Variants in GSTM5 observed in about 807,000 individuals in gnomAD.
GSTM5 encodes glutathione S-transferase mu 5, also known as GST class-mu 5.
Under a neutral mutation model 29.0 loss-of-function variants are expected in GSTM5, and 24 were observed. The ratio of observed to expected loss-of-function variants is 0.83; its 90% CI spans 0.60 to 1.16. The LOEUF (loss-of-function observed/expected upper bound fraction) is 1.16, where lower values mean the gene tolerates loss of function less well. Ranked by LOEUF, GSTM5 falls within the 50% of genes most tolerant of loss-of-function variation. The pLI is 0.00. For synonymous variants in GSTM5, 91 were observed against 93.6 expected, an observed-to-expected ratio of 0.97 and a Z score of 0.16; for missense variants, 290 against 263.0, an observed-to-expected ratio of 1.10 and a Z score of -0.71.
In GSTM5 at chr1:109,713,790, C is replaced by T. The variant is rs376252099; in HGVS notation, c.360+29C>T. ...AGTCCCACACCCCACTCCCAGTCAC[C>T]CATTTCCCTGCCTTTTGGCCCAGAC... On this transcript the variant is annotated intron_variant, in intron 5 of 7. Coordinates refer to ENST00000256593, the MANE Select transcript of GSTM5 (RefSeq NM_000851.4). 7.5e-6 allele frequency: 12 copies of T among 1,593,042 alleles called. No homozygotes were observed. In the African/African-American group the frequency reaches 1.2e-4, roughly 16 times the overall value.
intron 7 of GSTM5, chr1:109,715,687 T>A (rs1648721447): frequency 8.0e-6 from 4 of 497,738 alleles, no homozygotes. Flanking sequence ...ATAGTAGGAC[T>A]GACACACAGT....
intron 7 of GSTM5, chr1:109,717,119 C>CGGG: frequency 3.4e-6 from 1 of 296,712 alleles, no homozygotes; most frequent in Non-Finnish European, 6.1e-6. Flanking sequence ...GTAGATCTTT[C>CGGG]GTAAATGGTA....
intron 7 of GSTM5, chr1:109,716,383 C>G (rs544762165): frequency 6.3e-6 from 1 of 159,612 alleles, no homozygotes; most frequent in African/African-American, 2.4e-5. Flanking sequence ...GGGGAACAGC[C>G]GAGGGCTGGG....
intron 2 of GSTM5, 196 bp from the exon 3 acceptor site, chr1:109,712,923 C>T: frequency 2.3e-6 from 2 of 859,738 alleles, no homozygotes; most frequent in Non-Finnish European, 3.8e-6. Context: ...CTTCCCTAAA[C>T]CCTGGAAGCC....
intron 3 of GSTM5, 74 bp from the exon 4 acceptor site, chr1:109,713,410 C>T (rs780809666): frequency 1.3e-6 from 2 of 1,598,040 alleles, no homozygotes; most frequent in East Asian, 2.2e-5. Flanking sequence ...CTCCTCTCTG[C>T]CCTTGCATAT....
rs111537945 is a variant in GSTM5 at position 109,712,316 on chromosome 1, C to T, written c.4C>T (p.Pro2Ser). 2.5e-6 allele frequency: 4 copies of T among 1,614,138 alleles called. No individual in the cohort carries two copies. The highest frequency in any genetic ancestry group is 1.3e-5 in the African/African-American group (1 of 75,052). Residue 2 changes from proline (P) to serine (S), a missense_variant, in exon 1 of 8, where the codon CCC (proline) becomes TCC (serine). Physicochemically the swap from Pro to Ser is moderately conservative, Grantham distance 74. Coordinates refer to ENST00000256593, the MANE Select transcript of GSTM5 (RefSeq NM_000851.4). Reference sequence around the variant, plus strand: ...AGAATCCGCACCAACCAGCACCATGCCCATGACTCTGGGGTACTGGGACAT... The same window carrying T: ...AGAATCCGCACCAACCAGCACCATGTCCATGACTCTGGGGTACTGGGACAT... M[P>S]MTLGYWDIRG...
chr1:109,712,700 G>A lies in GSTM5; in HGVS notation c.112+7G>A, dbSNP rs747590299. 1.4e-5 allele frequency: 23 copies of A among 1,613,572 alleles called. No individual in the cohort carries two copies. Among genetic ancestry groups the A allele is most frequent in the African/African-American group, 2.7e-5 (2 of 74,916 alleles). On this transcript the variant is annotated splice_region_variant and intron_variant, in intron 2 of 7. Transcript: ENST00000256593. ...AAGTACACGCTGGGGGACGGTAATGGCACCCTCGTGTCCGGGCCCTGCCCA... is the reference window on the plus strand; with the variant it reads ...AAGTACACGCTGGGGGACGGTAATGACACCCTCGTGTCCGGGCCCTGCCCA...
chr1:109,713,438 G>T lies in GSTM5; in HGVS notation c.178-46G>T, dbSNP rs201351635. On this transcript the variant is annotated intron_variant, in intron 3 of 7. Coordinates refer to ENST00000256593, the MANE Select transcript of GSTM5 (RefSeq NM_000851.4). ...TTGCATATGGGAAGGGGATGCTGGG[G>T]AGCCTGGTGGCCCAACTGAGCTTCC... 2.5e-4 allele frequency: 399 copies of T among 1,613,154 alleles called. 3 individuals are homozygous for T. The East Asian group carries it at 8.5e-3, about 34-fold the overall frequency.
chr1:109,714,755 A>G (rs1381155040), intron 5 of GSTM5, 192 bp from the exon 6 acceptor site: 5 of 631,896 alleles, frequency 7.9e-6, no homozygotes, highest in South Asian at 5.7e-5. Flanking sequence ...CACTTCAGAT[A>G]GGGTCTGGCA....
In GSTM5 at chr1:109,718,044, G is replaced by A. The variant is rs938303344; in HGVS notation, c.*618G>A. 1 of 152,496 alleles carries A rather than the reference G, an allele frequency of 6.6e-6. No individual in the cohort carries two copies. Among genetic ancestry groups the A allele is most frequent in the African/African-American group, 2.4e-5 (1 of 41,386 alleles). 9.4% of individuals were successfully genotyped at this position (152,496 alleles called of 1,614,324 possible). Reference sequence around the variant, plus strand: ...GCCACATCCCTCTGTTCCTCACTGTGGGGATTACTACAGAAAGGTGCTCTG... The same window carrying A: ...GCCACATCCCTCTGTTCCTCACTGTAGGGATTACTACAGAAAGGTGCTCTG... On this transcript the variant is annotated 3_prime_UTR_variant, in exon 8 of 8. Coordinates refer to ENST00000256593, the MANE Select transcript of GSTM5 (RefSeq NM_000851.4).
At chr1:109,713,061 C>T (rs1181004035) in intron 2 of GSTM5, 58 bp from the exon 3 acceptor site, 4 of 1,606,126 alleles carry the variant, frequency 2.5e-6, no homozygotes, top group Middle Eastern at 2.3e-4. Flanking sequence ...TTGGGAGGGT[C>T]CCCGGGAAGG....
chr1:109,715,246 GC>G lies in GSTM5; in HGVS notation c.567+11del. ...ACTTCATCTCCCGCTTTGAGGTGATGCCCCCATCCTCCTTTCTCTTTGATGC... is the reference window on the plus strand; with the variant it reads ...ACTTCATCTCCCGCTTTGAGGTGATGCCCCATCCTCCTTTCTCTTTGATGC... On this transcript the variant is annotated splice_region_variant and intron_variant, in intron 7 of 7. Coordinates refer to ENST00000256593, the MANE Select transcript of GSTM5 (RefSeq NM_000851.4). The G allele has an allele frequency of 1.9e-6, 3 of 1,614,204 alleles. No individual in the cohort carries two copies. Among genetic ancestry groups the G allele is most frequent in the South Asian group, 2.2e-5 (2 of 91,084 alleles).
intron 7 of GSTM5, chr1:109,715,533 T>G: frequency 7.0e-7 from 1 of 1,436,012 alleles, no homozygotes; most frequent in Middle Eastern, 1.9e-4. Flanking sequence ...GGGCTCCCTG[T>G]GAGCCTCTGG....
rs1291002318 is a variant in GSTM5 at position 109,712,675 on chromosome 1, A to T, written c.94A>T (p.Lys32Ter). 6.2e-7 allele frequency: 1 copy of T among 1,614,008 alleles called. No individual in the cohort carries two copies. The highest frequency in any genetic ancestry group is 1.3e-5 in the African/African-American group (1 of 74,908). ...CACAGACTCAAGCTATGTGGAAAAG[A>T]AGTACACGCTGGGGGACGGTAATGG... ...EYTDSSYVEK[K>*]YTLGDAPDYD... The change falls in exon 2 of 8, where the codon AAG becomes TAG. Residue 32 changes from lysine to a stop codon, truncating the protein, a stop_gained. Coordinates refer to ENST00000256593, the MANE Select transcript of GSTM5 (RefSeq NM_000851.4). LOFTEE classifies it high-confidence loss of function.
At chr1:109,712,119 T>A (rs1441168517), upstream of GSTM5, 2 of 644,786 alleles carry the variant, frequency 3.1e-6, no homozygotes, top group East Asian at 5.8e-5. Context: ...CCCTGGGGAC[T>A]GGGAGGCGGG....
chr1:109,717,315 G>T lies in GSTM5; in HGVS notation c.568-22G>T, dbSNP rs774211332. The T allele has an allele frequency of 4.4e-6, 7 of 1,592,290 alleles. No homozygotes were observed. The South Asian group carries it at 5.5e-5, about 13-fold the overall frequency. ...CCTTCTAGACAGCAGACCTGGCTCT[G>T]GCCCCTTCTTCCCGCCCTCAGGGTT... On this transcript the variant is annotated intron_variant, in intron 7 of 7. Coordinates refer to ENST00000256593, the MANE Select transcript of GSTM5 (RefSeq NM_000851.4).
intron 3 of GSTM5, 91 bp downstream of exon 3, chr1:109,713,274 G>A (rs1020675893): frequency 6.3e-7 from 1 of 1,582,174 alleles, no homozygotes; most frequent in Non-Finnish European, 8.7e-7. Context: ...TTAAGATCAG[G>A]AGTCTTCTGC....
chr1:109,716,600 T>TGGAG (rs1202193875), intron 7 of GSTM5: 1 of 152,732 alleles, frequency 6.5e-6, no homozygotes, highest in African/African-American at 2.4e-5. Flanking sequence ...AGGTACCAGG[T>TGGAG]GGAGAAGTTT....
upstream of GSTM5, among the ~76,000 whole-genome samples, chr1:109,712,062 C>G (rs1648526938): frequency 6.6e-6 from 1 of 152,202 alleles, no homozygotes; most frequent in African/African-American, 2.4e-5. Context: ...GCTGGCGAGG[C>G]CGAGCCCCGC....
Sources: gnomAD v4.1 joint callset for allele counts (sites outside exome capture counted in the v4.1 genomes callset) on GRCh38, gnomAD v4.1.1 for gene constraint, MANE v1.5 for transcripts, NCBI Gene and HGNC (gene_info 2026-07-23, HGNC 2026-07-21) for gene names.